Variants in TBC1D5 observed in about 807,000 individuals in gnomAD.
The protein encoded by TBC1D5 is TBC1 domain family, member 5.
TBC1D5 carries 75 observed loss-of-function variants against 100.3 expected under a neutral mutation model. That is an observed-to-expected ratio of 0.75 (90% CI 0.62 to 0.91). TBC1D5 has a LOEUF of 0.91. Among genes scored for constraint, TBC1D5 ranks in the 40% least tolerant of loss-of-function variants. The probability of loss-of-function intolerance (pLI) is 0.00; values close to 1 mark genes in which losing one functional copy is unlikely to be tolerated. For synonymous variants in TBC1D5, 323 were observed against 325.6 expected (o/e 0.99, Z 0.09); for missense variants, 910 against 942.4 (o/e 0.97, Z 0.45).
intron 18 of TBC1D5, among the ~76,000 whole-genome samples, chr3:17,206,945 G>A (rs1212597804): frequency 6.6e-6 from 1 of 152,014 alleles, no homozygotes; most frequent in Non-Finnish European, 1.5e-5. Flanking sequence ...CTTTTTATTT[G>A]TTTATTGAGG....
chr3:17,262,931 T>C (rs1234916228), intron 15 of TBC1D5, among the ~76,000 whole-genome samples: 2 of 152,016 alleles, frequency 1.3e-5, no homozygotes, highest in East Asian at 1.9e-4. Context: ...TATATAACTA[T>C]ACATAAAGAT....
chr3:17,468,627 A>T (rs2095336906), intron 3 of TBC1D5, among the ~76,000 whole-genome samples: 1 of 152,184 alleles, frequency 6.6e-6, no homozygotes, highest in South Asian at 2.1e-4. Context: ...GATATGTCCC[A>T]AGCACCTAGA....
Position 17,173,740 on chromosome 3 carries a change from A to G in TBC1D5, c.1853-5912T>C, listed in dbSNP as rs939020369. ...CTCTGATAGGAATTTAGATACCCTG[A>G]TCTTTAACAATCTCATATAAGGGAC... On this transcript the variant is annotated intron_variant, in intron 19 of 21. Transcript: ENST00000253692. 2.0e-5 allele frequency among the ~76,000 whole-genome samples: 3 copies of G among 152,244 alleles called. No individual in the cohort carries two copies. In the East Asian group the frequency reaches 5.8e-4, roughly 29 times the overall value.
intron 18 of TBC1D5, among the ~76,000 whole-genome samples, chr3:17,195,311 C>T (rs1268989852): frequency 1.3e-5 from 2 of 152,226 alleles, no homozygotes; most frequent in African/African-American, 4.8e-5. Context: ...ACAATAAACA[C>T]AGATGTTACT....
intron 8 of TBC1D5, among the ~76,000 whole-genome samples, chr3:17,396,040 T>C (rs1177485227): frequency 1.3e-5 from 2 of 152,012 alleles, no homozygotes; most frequent in Non-Finnish European, 2.9e-5. Flanking sequence ...AAATCTGTTT[T>C]CCCCCCTCTT....
At chr3:17,291,644 G>A (rs2081752432) in intron 15 of TBC1D5, among the ~76,000 whole-genome samples, 1 of 152,176 alleles carries the variant, frequency 6.6e-6, no homozygotes, top group Non-Finnish European at 1.5e-5. Flanking sequence ...GAAGGGAAAA[G>A]CATAGAATAA....
chr3:17,413,008 T>C (rs1430606036), intron 4 of TBC1D5, among the ~76,000 whole-genome samples: 2 of 152,172 alleles, frequency 1.3e-5, no homozygotes, highest in African/African-American at 4.8e-5. Context: ...AGAAGATAAG[T>C]TAACAACAGT....
chr3:17,454,334 C>T (rs1447036326), intron 3 of TBC1D5, among the ~76,000 whole-genome samples: 1 of 152,014 alleles, frequency 6.6e-6, no homozygotes, highest in African/African-American at 2.4e-5. Flanking sequence ...GCAAATTATC[C>T]TTGTTTGCAA....
chr3:17,413,827 C>T (rs2093998052), intron 4 of TBC1D5, among the ~76,000 whole-genome samples: 1 of 152,132 alleles, frequency 6.6e-6, no homozygotes, highest in Non-Finnish European at 1.5e-5. Flanking sequence ...TGTGGGCTAA[C>T]TTAAGAAATC....
chr3:17,520,026 T>A (rs1025957892), intron 2 of TBC1D5, among the ~76,000 whole-genome samples: 5 of 152,182 alleles, frequency 3.3e-5, no homozygotes, highest in African/African-American at 1.2e-4. Context: ...ACAATGACAT[T>A]GAAATGTAGT....
chr3:17,433,322 G>A (rs1174136960), intron 3 of TBC1D5, among the ~76,000 whole-genome samples: 1 of 152,162 alleles, frequency 6.6e-6, no homozygotes, highest in Non-Finnish European at 1.5e-5. Context: ...CTGAGACTGG[G>A]TAATTTAAAA....
intron 14 of TBC1D5, among the ~76,000 whole-genome samples, chr3:17,295,940 A>G (rs2082209750): frequency 6.6e-6 from 1 of 152,184 alleles, no homozygotes; most frequent in South Asian, 2.1e-4. Context: ...AGAGTAGGTA[A>G]CAGCACAGCC....
intron 2 of TBC1D5, among the ~76,000 whole-genome samples, chr3:17,594,539 T>C (rs184356487): frequency 6.6e-6 from 1 of 152,394 alleles, no homozygotes; most frequent in East Asian, 1.9e-4. Context: ...AAACATGGAC[T>C]GTAATTGTCA....
intron 1 of TBC1D5, among the ~76,000 whole-genome samples, chr3:17,706,424 C>G (rs549088895): frequency 0.1 from 3,147 of 30,392 alleles, 97 homozygotes; most frequent in African/African-American, 0.22. Flanking sequence ...ACTTTACTTA[C>G]ACACACACAC....
chr3:17,629,272 T>C (rs534595423), intron 1 of TBC1D5, among the ~76,000 whole-genome samples: 1 of 152,260 alleles, frequency 6.6e-6, no homozygotes, highest in Admixed American at 6.5e-5. Flanking sequence ...ATTTAGCCAT[T>C]AGATACACAT....
intron 15 of TBC1D5, among the ~76,000 whole-genome samples, chr3:17,291,529 C>G (rs1383276969): frequency 6.6e-6 from 1 of 152,074 alleles, no homozygotes; most frequent in Admixed American, 6.5e-5. Context: ...TCATATGGCC[C>G]CCAAGGTTCT....
chr3:17,207,570 C>G (rs1171482228), intron 18 of TBC1D5, among the ~76,000 whole-genome samples: 2 of 152,170 alleles, frequency 1.3e-5, no homozygotes, highest in Non-Finnish European at 2.9e-5. Context: ...GAATCTTGCC[C>G]TCTTTCATTA....
intron 18 of TBC1D5, among the ~76,000 whole-genome samples, chr3:17,207,808 AGACT>A (rs1421251566): frequency 2.0e-5 from 3 of 152,252 alleles, no homozygotes; most frequent in Admixed American, 6.5e-5. Flanking sequence ...TACTGTACTT[AGACT>A]GATAGCTACT....
intron 19 of TBC1D5, among the ~76,000 whole-genome samples, chr3:17,175,313 G>C (rs545550146): frequency 3.1e-3 from 320 of 103,514 alleles, no homozygotes; most frequent in Non-Finnish European, 4.8e-3. Flanking sequence ...GAGGCCAATA[G>C]TTCTCTTAAG....
Sources: allele counts gnomAD v4.1 joint callset (sites outside exome capture counted in the v4.1 genomes callset), GRCh38; gene constraint gnomAD v4.1.1; transcripts MANE v1.5; gene names NCBI Gene and HGNC (gene_info 2026-07-23, HGNC 2026-07-21).